EBF1: variants seen among roughly 807,000 people sequenced by gnomAD.
The protein encoded by EBF1 is EBF transcription factor 1, also known as transcription factor COE1.
A neutral mutation model predicts 68.4 loss-of-function variants in EBF1; 10 were observed. The ratio of observed to expected loss-of-function variants is 0.15; its 90% CI spans 0.09 to 0.25. EBF1 has a LOEUF of 0.25. EBF1 is among the 10% of genes least tolerant of loss of function. EBF1 has a pLI of 1.00. For missense variants in EBF1, 509 were observed against 794.4 expected, an observed-to-expected ratio of 0.64 and a Z score of 4.32; for synonymous variants, 298 against 299.8, an observed-to-expected ratio of 0.99 and a Z score of 0.06.
chr5:158,822,627 G>A (rs1562029796), intron 8 of EBF1, among the ~76,000 whole-genome samples: 1 of 152,226 alleles, frequency 6.6e-6, no homozygotes, highest in East Asian at 1.9e-4. Context: ...GGCACAGGAG[G>A]GACATTTGGT....
chr5:158,977,720 A>G (rs1049485820), intron 6 of EBF1, among the ~76,000 whole-genome samples: 5 of 152,202 alleles, frequency 3.3e-5, no homozygotes, highest in African/African-American at 1.2e-4. Flanking sequence ...TGCTTCATTT[A>G]GGGAAATATA....
intron 6 of EBF1, among the ~76,000 whole-genome samples, chr5:158,897,418 G>A (rs145938290): frequency 6.6e-6 from 1 of 152,274 alleles, no homozygotes; most frequent in Non-Finnish European, 1.5e-5. Flanking sequence ...CTTCTAGAGG[G>A]TGGAGGGTTG....
chr5:158,949,923 G>A (rs963469366), intron 6 of EBF1, among the ~76,000 whole-genome samples: 1 of 152,220 alleles, frequency 6.6e-6, no homozygotes, highest in African/African-American at 2.4e-5. Context: ...CTTCCAGGAA[G>A]AACTGTGTTC....
intron 6 of EBF1, among the ~76,000 whole-genome samples, chr5:158,947,656 T>G (rs1323578968): frequency 5.9e-5 from 9 of 152,218 alleles, no homozygotes; most frequent in Non-Finnish European, 7.3e-5. Context: ...GCCTGGGAAC[T>G]TCCTTAAGGT....
intron 6 of EBF1, among the ~76,000 whole-genome samples, chr5:158,867,240 G>T (rs1045603460): frequency 6.6e-6 from 1 of 152,130 alleles, no homozygotes; most frequent in Non-Finnish European, 1.5e-5. Flanking sequence ...TAGAGGAAGG[G>T]CCTGAGTTTT....
chr5:158,712,874 G>A, intron 13 of EBF1, 96 bp downstream of exon 13: 3 of 1,226,762 alleles, frequency 2.4e-6, no homozygotes, highest in Non-Finnish European at 3.2e-6. Context: ...CTTTTGGGAT[G>A]AAAATAATTT....
chr5:158,966,458 C>T (rs1050129163), intron 6 of EBF1, among the ~76,000 whole-genome samples: 9 of 152,078 alleles, frequency 5.9e-5, no homozygotes, highest in Non-Finnish European at 4.4e-5. Context: ...AGCAGCATTA[C>T]AGTCAAATCT....
rs551859972 is a variant in EBF1, at chr5:158,730,565, C to T, written c.1125+504G>A. Among the ~76,000 whole-genome samples the T allele has an allele frequency of 1.3e-4, 20 of 152,264 alleles. No individual in the cohort carries two copies. The South Asian group carries it at 3.7e-3, about 28-fold the overall frequency. ...TTAGGAGAAGAGAGGTTGTCTTTGC[C>T]CAATCTCAAGATCTACCAAAACATT... On this transcript the variant is annotated intron_variant, in intron 11 of 15. Transcript: ENST00000313708.
rs143373925 is a variant in EBF1, at chr5:158,934,454, G to T, written c.555-94344C>A. Among the ~76,000 whole-genome samples, 123 of 152,264 alleles carry T rather than the reference G, an allele frequency of 8.1e-4. 1 individual carries two copies. Among genetic ancestry groups the T allele is most frequent in the African/African-American group, 2.8e-3 (115 of 41,552 alleles). ...GAGGTCATTTGAAAGAGAGAGAAAT[G>T]GAAGCTTCCAGAGTGAAAGATCTTG... On this transcript the variant is annotated intron_variant, in intron 6 of 15. Transcript: ENST00000313708.
intron 6 of EBF1, among the ~76,000 whole-genome samples, chr5:158,990,007 A>G (rs1244929575): frequency 2.0e-5 from 3 of 152,178 alleles, no homozygotes; most frequent in African/African-American, 7.2e-5. Flanking sequence ...TGCAAACAAA[A>G]CACAACAACA....
intron 6 of EBF1, among the ~76,000 whole-genome samples, chr5:158,945,128 A>G (rs1814366863): frequency 6.6e-6 from 1 of 152,198 alleles, no homozygotes; most frequent in Admixed American, 6.5e-5. Context: ...TTAGTATTTT[A>G]GTCATGAAGT....
In EBF1 at chr5:158,873,558, T is replaced by A. The variant is rs1459208626; in HGVS notation, c.555-33448A>T. Among the ~76,000 whole-genome samples, 5 of 152,196 alleles carry A rather than the reference T, an allele frequency of 3.3e-5. 1 individual carries two copies. The highest frequency in any genetic ancestry group is 3.3e-4 in the Admixed American group (5 of 15,286). The stretch of plus-strand genomic sequence containing the variant: ...TGACACTTTCCATTCCTACTATGAA[T>A]GAAAACCCATACTACTTATCTGAGA... On this transcript the variant is annotated intron_variant, in intron 6 of 15. Coordinates refer to ENST00000313708, the MANE Select transcript of EBF1 (RefSeq NM_024007.5).
chr5:158,736,296 G>C (rs751540273), intron 10 of EBF1, among the ~76,000 whole-genome samples: 1 of 152,268 alleles, frequency 6.6e-6, no homozygotes, highest in East Asian at 1.9e-4. Context: ...TCCTGGAAAC[G>C]ATGGAAATGA....
rs1789851075 is a variant in EBF1, at chr5:158,840,107, G to C, written c.558C>G (p.Phe186Leu). 6.2e-7 allele frequency: 1 copy of C among 1,613,224 alleles called. No homozygotes were observed. The change falls in exon 7 of 16, where the codon TTC becomes TTG. Residue 186 changes from phenylalanine (F) to leucine (L), a missense_variant. Physicochemically the swap from Phe to Leu is conservative, Grantham distance 22. Coordinates refer to ENST00000313708, the MANE Select transcript of EBF1 (RefSeq NM_024007.5). ...TACATTTGAGGAAAAATTTCAAGAAGAACCTGTGAAGAAACAAATCATCAT... is the reference window on the plus strand; with the variant it reads ...TACATTTGAGGAAAAATTTCAAGAACAACCTGTGAAGAAACAAATCATCAT... ...TPSDPVIIDR[F>L]FLKFFLKCNQ... is the part of the protein sequence containing the mutation.
intron 6 of EBF1, among the ~76,000 whole-genome samples, chr5:158,926,824 T>C (rs887291170): frequency 6.6e-6 from 1 of 152,218 alleles, no homozygotes; most frequent in Non-Finnish European, 1.5e-5. Flanking sequence ...GGATTTATTG[T>C]ACAAATAATA....
chr5:159,087,393 T>C (rs909175358), intron 4 of EBF1, among the ~76,000 whole-genome samples: 1 of 138,224 alleles, frequency 7.2e-6, no homozygotes, highest in South Asian at 2.2e-4. Flanking sequence ...CACATATATA[T>C]ACATATATAT....
chr5:158,823,092 G>A, intron 8 of EBF1, 84 bp downstream of exon 8: 2 of 1,575,484 alleles, frequency 1.3e-6, no homozygotes, highest in East Asian at 2.2e-5. Context: ...AAACAGAATA[G>A]AACATGTGGT....
chr5:158,709,929 TGGGGA>T (rs1758797374), intron 14 of EBF1, among the ~76,000 whole-genome samples: 3 of 151,988 alleles, frequency 2.0e-5, no homozygotes, highest in Non-Finnish European at 2.9e-5. Flanking sequence ...TATTTAGAGG[TGGGGA>T]GTTTTGGGGT....
At chr5:158,898,204 C>G (rs1802548698) in intron 6 of EBF1, among the ~76,000 whole-genome samples, 1 of 152,212 alleles carries the variant, frequency 6.6e-6, no homozygotes, top group African/African-American at 2.4e-5. Flanking sequence ...CCAGAGACAT[C>G]TATCTTGGGT....
Sources: allele counts gnomAD v4.1 joint callset (sites outside exome capture counted in the v4.1 genomes callset), GRCh38; gene constraint gnomAD v4.1.1; transcripts MANE v1.5; gene names NCBI Gene and HGNC (gene_info 2026-07-23, HGNC 2026-07-21).